LEKR1: variants seen among roughly 807,000 people sequenced by gnomAD.
LEKR1 encodes the protein protein LEKR1.
In LEKR1, 59 loss-of-function variants were observed where a neutral mutation model predicts 72.4. The observed-to-expected ratio is 0.82, with a 90% confidence interval of 0.66 to 1.01. The LOEUF (loss-of-function observed/expected upper bound fraction) is 1.01, where lower values mean the gene tolerates loss of function less well. LEKR1 is among the 50% of genes least tolerant of loss of function. The pLI, the probability that LEKR1 is intolerant of heterozygous loss-of-function variation, is 0.00. For synonymous variants in LEKR1, 257 were observed against 263.2 expected (o/e 0.98, Z 0.23); for missense variants, 728 against 759.2 (o/e 0.96, Z 0.48).
chr3:156,833,779 T>C (rs62273909), intron 2 of LEKR1, among the ~76,000 whole-genome samples: 4,745 of 152,242 alleles, frequency 0.031, 108 homozygotes, highest in Non-Finnish European at 0.046. Context: ...CTTACTGTTA[T>C]AAAATAGTAT....
chr3:157,009,412 T>C (rs763962578), intron 9 of LEKR1, among the ~76,000 whole-genome samples: 10 of 152,168 alleles, frequency 6.6e-5, no homozygotes, highest in Non-Finnish European at 1.5e-4. Context: ...GGCTACCATA[T>C]TGAACAATGC....
rs765756772 is a variant in LEKR1 at position 157,002,138 on chromosome 3, C to T, written c.1109+8861C>T. Reference sequence around the variant, plus strand: ...TTAAATTTAGAATCTAAATCTGTGTCGTTTCCTATAATTCTAAAACATCAA... The same window carrying T: ...TTAAATTTAGAATCTAAATCTGTGTTGTTTCCTATAATTCTAAAACATCAA... On this transcript the variant is annotated intron_variant, in intron 9 of 12. Coordinates refer to ENST00000356539, the MANE Select transcript of LEKR1 (RefSeq NM_001004316.3). Among the ~76,000 whole-genome samples, 9 of 152,072 alleles carry T rather than the reference C, an allele frequency of 5.9e-5. No individual in the cohort carries two copies. In the South Asian group the frequency reaches 6.2e-4, roughly 10 times the overall value.
rs200046397 is a variant in LEKR1, at chr3:157,045,638, C to G, written c.1967C>G (p.Ser656Ter). ...TCAGATAAGCCGAAGAGGGTTAGATCAGGCGTGCCCATTCTCCCCCAGCCA... is the reference window on the plus strand; with the variant it reads ...TCAGATAAGCCGAAGAGGGTTAGATGAGGCGTGCCCATTCTCCCCCAGCCA... ...PTSDKPKRVR[S>*]GVPILPQPHP... The change falls in exon 13 of 13, where the codon TCA (serine) becomes TGA (stop). Residue 656 changes from serine (S) to a stop codon, truncating the protein, a stop_gained. Transcript: ENST00000356539. LOFTEE classifies it low-confidence loss of function (END_TRUNC). The G allele has an allele frequency of 6.6e-5, 106 of 1,614,122 alleles. No individual in the cohort carries two copies. The highest frequency in any genetic ancestry group is 2.5e-6 in the Non-Finnish European group (3 of 1,180,020).
At chr3:156,854,426 G>A (rs13071598) in intron 3 of LEKR1, among the ~76,000 whole-genome samples, 64,811 of 151,952 alleles carry the variant, frequency 0.43, 16,064 homozygotes, top group East Asian at 0.72. Context: ...CATTATAGGC[G>A]TGAGCCACTG....
intron 2 of LEKR1, among the ~76,000 whole-genome samples, chr3:156,831,063 T>G (rs1294216394): frequency 2.0e-5 from 3 of 152,156 alleles, no homozygotes; most frequent in African/African-American, 7.2e-5. Context: ...CAAATCAATC[T>G]CCGAAAATTT....
chr3:156,964,337 A>G (rs796076251), intron 6 of LEKR1, among the ~76,000 whole-genome samples: 1 of 152,032 alleles, frequency 6.6e-6, no homozygotes, highest in Non-Finnish European at 1.5e-5. Flanking sequence ...TGTTGTTTGG[A>G]TTAATCATAA....
intron 6 of LEKR1, among the ~76,000 whole-genome samples, chr3:156,952,723 G>C (rs1727276971): frequency 6.6e-6 from 1 of 151,456 alleles, no homozygotes. Context: ...TTAACATGTA[G>C]ATATGCCTTC....
chr3:157,028,290 A>T lies in LEKR1; in HGVS notation c.1556A>T (p.Asp519Val), dbSNP rs200893725. ...TTGAAGAAGGAAATTGACAGTAATG[A>T]TTCAGTTTCAGAAAACTTGAGGAAG... Reference protein sequence around the residue: ...SRLKKEIDSNDSVSENLRKEM... With the variant: ...SRLKKEIDSNVSVSENLRKEM... The change falls in exon 12 of 13, where the codon GAT (aspartate) becomes GTT (valine). Residue 519 changes from aspartate to valine, a missense_variant. Asp to Val is a radical substitution (Grantham distance 152, BLOSUM62 -3). Transcript: ENST00000356539. 330 of 1,613,418 alleles carry T rather than the reference A, an allele frequency of 2.0e-4. No homozygotes were observed. The highest frequency in any genetic ancestry group is 2.7e-4 in the Non-Finnish European group (319 of 1,179,550).
chr3:156,959,507 C>T (rs1349120580), intron 6 of LEKR1, among the ~76,000 whole-genome samples: 1 of 152,140 alleles, frequency 6.6e-6, no homozygotes. Flanking sequence ...TGAACATCTT[C>T]CTTTCTGTGT....
chr3:156,919,839 T>C (rs1007052682), intron 3 of LEKR1, among the ~76,000 whole-genome samples: 7 of 152,216 alleles, frequency 4.6e-5, no homozygotes, highest in African/African-American at 1.7e-4. Flanking sequence ...TTTCCTCATG[T>C]AAATTTTACT....
intron 7 of LEKR1, among the ~76,000 whole-genome samples, chr3:156,990,723 C>A (rs1576959446): frequency 6.6e-6 from 1 of 152,118 alleles, no homozygotes; most frequent in Non-Finnish European, 1.5e-5. Context: ...AGTAGAAGCC[C>A]CTTCAAACTG....
chr3:157,045,930 A>G lies in LEKR1; in HGVS notation c.*180A>G. On this transcript the variant is annotated 3_prime_UTR_variant, in exon 13 of 13. Coordinates refer to ENST00000356539, the MANE Select transcript of LEKR1 (RefSeq NM_001004316.3). ...GGAAAATTGTGAAGCCTTATTTTTC[A>G]AGAGGGTTTTGATAGAGTAACAGAT... 1 of 603,568 alleles carries G rather than the reference A, an allele frequency of 1.7e-6. No homozygotes were observed. The highest frequency in any genetic ancestry group is 2.3e-5 in the South Asian group (1 of 42,574). The allele number at this position is 603,568 out of a possible 1,614,324, so 37.4% of individuals were successfully genotyped here. A position where few individuals can be genotyped will look rare whatever the true frequency, so the allele number is the denominator to read the frequency against.
At chr3:157,003,888 T>C (rs1167336609) in intron 9 of LEKR1, among the ~76,000 whole-genome samples, 2 of 150,634 alleles carry the variant, frequency 1.3e-5, no homozygotes, top group African/African-American at 4.9e-5. Flanking sequence ...TCATAAAACA[T>C]GCAAAATCCA....
intron 5 of LEKR1, among the ~76,000 whole-genome samples, chr3:156,939,393 T>A (rs991297525): frequency 2.6e-5 from 4 of 152,168 alleles, no homozygotes; most frequent in Non-Finnish European, 4.4e-5. Flanking sequence ...AGATTTCTAG[T>A]CTCTGGAGCT....
chr3:156,863,079 C>T (rs1716945382), intron 3 of LEKR1, among the ~76,000 whole-genome samples: 1 of 152,024 alleles, frequency 6.6e-6, no homozygotes, highest in Admixed American at 6.6e-5. Context: ...GATTTTCATA[C>T]TCATAGCCTT....
At chr3:156,849,056 A>G (rs1714987640) in intron 2 of LEKR1, among the ~76,000 whole-genome samples, 1 of 152,144 alleles carries the variant, frequency 6.6e-6, no homozygotes, top group African/African-American at 2.4e-5. Flanking sequence ...AACTTCAGCA[A>G]AGTCTCAGGA....
At chr3:156,978,658 C>T in intron 6 of LEKR1, among the ~76,000 whole-genome samples, 1 of 152,088 alleles carries the variant, frequency 6.6e-6, no homozygotes, top group East Asian at 1.9e-4. Flanking sequence ...TCTATGGAAG[C>T]CAGTTTCCTG....
chr3:156,921,066 T>G (rs1484469093), intron 4 of LEKR1: 1 of 155,318 alleles, frequency 6.4e-6, no homozygotes, highest in African/African-American at 2.4e-5. Context: ...CTAAATAATA[T>G]TAACATACTC....
In LEKR1 at chr3:156,942,580, G is replaced by A; in HGVS notation, c.611G>A (p.Cys204Tyr). The A allele has an allele frequency of 1.6e-6, 2 of 1,265,718 alleles. No individual in the cohort carries two copies. Among genetic ancestry groups the A allele is most frequent in the Non-Finnish European group, 1.0e-6 (1 of 972,988 alleles). The allele number at this position is 1,265,718 out of a possible 1,614,324, so 78.4% of individuals were successfully genotyped here. The change falls in exon 6 of 13, where the codon TGC becomes TAC. Residue 204 changes from cysteine (C) to tyrosine (Y), a missense_variant. Transcript: ENST00000356539. ...SLTVSQRNKV[C>Y]LEKEMKNLKL... ...ACAGTATCCCAGAGAAATAAAGTAT[G>A]CCTTGAAAAGGAAATGAAAAATCTG...
Sources: allele counts gnomAD v4.1 joint callset (sites outside exome capture counted in the v4.1 genomes callset), GRCh38; gene constraint gnomAD v4.1.1; transcripts MANE v1.5; gene names NCBI Gene and HGNC (gene_info 2026-07-23, HGNC 2026-07-21).